The following POTEI variants were observed in gnomAD, a reference collection of about 807,000 sequenced individuals.
POTEI encodes POTE ankyrin domain family member I.
In POTEI, 14 loss-of-function variants were observed where a neutral mutation model predicts 43.4. That is an observed-to-expected ratio of 0.32 (90% CI 0.21 to 0.50). The LOEUF is 0.50. Among genes scored for constraint, POTEI ranks in the 20% least tolerant of loss-of-function variants. The probability of loss-of-function intolerance (pLI) is 0.98; values close to 1 mark genes in which losing one functional copy is unlikely to be tolerated. For missense variants in POTEI, 235 were observed against 795.4 expected (o/e 0.30, Z 8.47); for synonymous variants, 95 against 297.9 (o/e 0.32, Z 7.01).
At chr2:130,496,338 T>C (rs1257403788) in intron 6 of POTEI, among the ~76,000 whole-genome samples, 1 of 94,726 alleles carries the variant, frequency 1.1e-5, no homozygotes, top group Non-Finnish European at 2.8e-5. Flanking sequence ...CTTCCACGGA[T>C]TCTACATTAT....
In POTEI at chr2:130,509,120, C is replaced by T. The variant is rs1299364214; in HGVS notation, c.116G>A (p.Gly39Asp). 1 of 1,522,634 alleles carries T rather than the reference C, an allele frequency of 6.6e-7. No homozygotes were observed. 94.3% of individuals were successfully genotyped at this position (1,522,634 alleles called of 1,614,324 possible). Residue 39 changes from glycine (G) to aspartate (D), a missense_variant, in exon 1 of 15, where the codon GGC (glycine) becomes GAC (aspartate). Gly to Asp is a moderately conservative substitution (Grantham distance 94, BLOSUM62 -1). Coordinates refer to ENST00000451531, the MANE Select transcript of POTEI (RefSeq NM_001277406.2). Reference sequence around the variant, plus strand: ...TCCAGAAGTGCCCACGTTGCTCTTGCCGCTCCCCCTGCAGCAGGGGAAGCA... The same window carrying T: ...TCCAGAAGTGCCCACGTTGCTCTTGTCGCTCCCCCTGCAGCAGGGGAAGCA... ...RHCFPCCRGS[G>D]KSNVGTSGDQ... is the part of the protein sequence containing the mutation.
chr2:130,488,642 C>T (rs1683653434), intron 8 of POTEI, among the ~76,000 whole-genome samples: 3 of 127,612 alleles, frequency 2.4e-5, no homozygotes, highest in African/African-American at 5.9e-5. Flanking sequence ...TGTGCGGCTT[C>T]AGGAACAGAA....
At position 130,466,430 on chromosome 2, in the gene POTEI, AC is replaced by A. The variant is rs1269894970; in HGVS notation, c.1779-659del. ...TAATGGTCTGTGTCCTGTAACCCAT[AC>A]TCTTTATGTTTATTGTTTGGAAACA... On this transcript the variant is annotated intron_variant, in intron 13 of 14. Transcript: ENST00000451531. Among the ~76,000 whole-genome samples the A allele has an allele frequency of 1.0e-4, 13 of 128,788 alleles. No individual in the cohort carries two copies. The East Asian group carries it at 3.3e-3, about 33-fold the overall frequency. The allele number at this position is 128,788 out of a possible 152,430, so 84.5% of individuals were successfully genotyped here.
intron 1 of POTEI, among the ~76,000 whole-genome samples, chr2:130,505,016 G>T (rs1684116912): frequency 2.8e-5 from 4 of 143,112 alleles, no homozygotes; most frequent in Admixed American, 1.4e-4. Context: ...CATTACCCAG[G>T]TGTTAAGCCC....
intron 13 of POTEI, among the ~76,000 whole-genome samples, chr2:130,468,668 C>T (rs1421831253): frequency 6.7e-6 from 1 of 148,538 alleles, no homozygotes; most frequent in Admixed American, 6.8e-5. Flanking sequence ...TACAATTTGA[C>T]ATGAGATTTG....
intron 10 of POTEI, 130 bp from the exon 11 acceptor site, chr2:130,476,831 GT>G (rs2105071079): frequency 9.9e-6 from 1 of 101,418 alleles, no homozygotes; most frequent in South Asian, 3.6e-4. Context: ...TTGTGAAATT[GT>G]CATTTAAGAA....
intron 10 of POTEI, among the ~76,000 whole-genome samples, chr2:130,478,950 G>A (rs1258968907): frequency 1.1e-5 from 1 of 95,174 alleles, no homozygotes; most frequent in African/African-American, 4.3e-5. Context: ...TATCCTACAC[G>A]AATATTCCAT....
At chr2:130,468,706 G>C (rs1332757233) in intron 13 of POTEI, among the ~76,000 whole-genome samples, 2 of 149,722 alleles carry the variant, frequency 1.3e-5, no homozygotes, top group South Asian at 4.2e-4. Context: ...AAACTATTGG[G>C]GGGGGGGGTA....
In POTEI at chr2:130,461,421, C is replaced by G. The variant is rs1002900682; in HGVS notation, c.*1395G>C. On this transcript the variant is annotated 3_prime_UTR_variant, in exon 15 of 15. Coordinates refer to ENST00000451531, the MANE Select transcript of POTEI (RefSeq NM_001277406.2). Reference sequence around the variant, plus strand: ...GACCCTGGTTGAAAGACTTCACCCACTGACTAGAAATGTGGTCAGGGACTG... The same window carrying G: ...GACCCTGGTTGAAAGACTTCACCCAGTGACTAGAAATGTGGTCAGGGACTG... 9 of 151,936 alleles carry G rather than the reference C, an allele frequency of 5.9e-5. No homozygotes were observed. The highest frequency in any genetic ancestry group is 2.2e-4 in the African/African-American group (9 of 41,182). 9.4% of individuals were successfully genotyped at this position (151,936 alleles called of 1,614,324 possible).
At chr2:130,486,912 A>T (rs1683592945) in intron 9 of POTEI, among the ~76,000 whole-genome samples, 1 of 123,420 alleles carries the variant, frequency 8.1e-6, no homozygotes, top group Non-Finnish European at 1.7e-5. Flanking sequence ...AAACGTTTAT[A>T]TTAAATACAG....
Position 130,493,698 on chromosome 2 carries a change from T to G in POTEI, c.1126+2854A>C, listed in dbSNP as rs866272185. Among the ~76,000 whole-genome samples, 129 of 37,376 alleles carry G rather than the reference T, an allele frequency of 3.5e-3. 26 individuals carry two copies. Among genetic ancestry groups the G allele is most frequent in the African/African-American group, 9.8e-3 (127 of 12,936 alleles). 24.5% of individuals were successfully genotyped at this position (37,376 alleles called of 152,430 possible). On this transcript the variant is annotated intron_variant, in intron 6 of 14. Coordinates refer to ENST00000451531, the MANE Select transcript of POTEI (RefSeq NM_001277406.2). ...ATTACTAAATCATATTGACGATACCTCTCTTCTGCCTCTGCTTTATATTCC... is the reference window on the plus strand; with the variant it reads ...ATTACTAAATCATATTGACGATACCGCTCTTCTGCCTCTGCTTTATATTCC...
intron 13 of POTEI, among the ~76,000 whole-genome samples, chr2:130,468,648 A>G (rs1239412470): frequency 6.9e-6 from 1 of 145,496 alleles, no homozygotes; most frequent in African/African-American, 2.5e-5. Flanking sequence ...TTTCCTCAAC[A>G]CCTGGTAATT....
chr2:130,497,332 TG>T, intron 5 of POTEI, among the ~76,000 whole-genome samples: 1 of 1,368 alleles, frequency 7.3e-4, no homozygotes, highest in African/African-American at 9.9e-4. Context: ...ATTACGGAGT[TG>T]ATCAATCACA....
At chr2:130,507,325 C>T (rs1403945494) in intron 1 of POTEI, among the ~76,000 whole-genome samples, 524 of 8,900 alleles carry the variant, frequency 0.059, 78 homozygotes, top group East Asian at 0.39. Flanking sequence ...TATACACACA[C>T]ACACACACAC....
In POTEI at chr2:130,461,603, C is replaced by G. The variant is rs1385649005; in HGVS notation, c.*1213G>C. On this transcript the variant is annotated 3_prime_UTR_variant, in exon 15 of 15. Transcript: ENST00000451531. Reference sequence around the variant, plus strand: ...GGGGGCCTGCCCCTCTCCGGGAGCTCTGTCCCAGGAACATTTCACATTTCC... The same window carrying G: ...GGGGGCCTGCCCCTCTCCGGGAGCTGTGTCCCAGGAACATTTCACATTTCC... The G allele has an allele frequency of 1.8e-4, 28 of 152,262 alleles. No individual in the cohort carries two copies. The highest frequency in any genetic ancestry group is 3.4e-3 in the Middle Eastern group (1 of 294). 9.4% of individuals were successfully genotyped at this position (152,262 alleles called of 1,614,324 possible).
rs199691173 is a variant in POTEI, at chr2:130,467,865, C to T, written c.1779-2093G>A. Among the ~76,000 whole-genome samples the T allele has an allele frequency of 1.5e-3, 205 of 138,624 alleles. No individual in the cohort carries two copies. The East Asian group carries it at 0.041, about 28-fold the overall frequency. 90.9% of individuals were successfully genotyped at this position (138,624 alleles called of 152,430 possible). A position where few individuals can be genotyped will look rare whatever the true frequency, so the allele number is the denominator to read the frequency against. On this transcript the variant is annotated intron_variant, in intron 13 of 14. Transcript: ENST00000451531. Reference sequence around the variant, plus strand: ...CGGTAAACAAGCATATAAAAACATGCTAAATATCTCTAATCATCAGGGAAA... The same window carrying T: ...CGGTAAACAAGCATATAAAAACATGTTAAATATCTCTAATCATCAGGGAAA...
In POTEI at chr2:130,461,077, G is replaced by T. The variant is rs1573903592; in HGVS notation, c.*1739C>A. On this transcript the variant is annotated 3_prime_UTR_variant, in exon 15 of 15. Transcript: ENST00000451531. ...TCCTCTGGAAGCTCTGTACCACTGAGGTACGAACCTGTTGCCAATCTGAAC... is the reference window on the plus strand; with the variant it reads ...TCCTCTGGAAGCTCTGTACCACTGATGTACGAACCTGTTGCCAATCTGAAC... 2 of 151,318 alleles carry T rather than the reference G, an allele frequency of 1.3e-5. No individual in the cohort carries two copies. Among genetic ancestry groups the T allele is most frequent in the Admixed American group, 6.6e-5 (1 of 15,260 alleles). 9.4% of individuals were successfully genotyped at this position (151,318 alleles called of 1,614,324 possible). A position where few individuals can be genotyped will look rare whatever the true frequency, so the allele number is the denominator to read the frequency against.
Position 130,509,126 on chromosome 2 carries a change from C to T in POTEI, c.110G>A (p.Gly37Glu), listed in dbSNP as rs752611936. 20 of 1,518,794 alleles carry T rather than the reference C, an allele frequency of 1.3e-5. 2 individuals carry two copies. The South Asian group carries it at 2.2e-4, about 17-fold the overall frequency. 94.1% of individuals were successfully genotyped at this position (1,518,794 alleles called of 1,614,324 possible). ...AGTGCCCACGTTGCTCTTGCCGCTC[C>T]CCCTGCAGCAGGGGAAGCAGTGGCG... ...WCRHCFPCCR[G>E]SGKSNVGTSG... The change falls in exon 1 of 15, where the codon GGG (glycine) becomes GAG (glutamate). Residue 37 changes from glycine (G) to glutamate (E), a missense_variant. By Grantham distance (98) the Gly-to-Glu change is moderately conservative. Transcript: ENST00000451531.
At chr2:130,464,475 CA>C (rs1215872109) in intron 14 of POTEI, among the ~76,000 whole-genome samples, 1 of 120,614 alleles carries the variant, frequency 8.3e-6, no homozygotes, top group Non-Finnish European at 1.7e-5. Flanking sequence ...TTCTGAGTTA[CA>C]AAAAACCCAG....
Sources: gnomAD v4.1 joint callset for allele counts (sites outside exome capture counted in the v4.1 genomes callset) on GRCh38, gnomAD v4.1.1 for gene constraint, MANE v1.5 for transcripts, NCBI Gene and HGNC (gene_info 2026-07-23, HGNC 2026-07-21) for gene names.